The following TENT2 variants were observed in gnomAD, a reference collection of about 807,000 sequenced individuals.
TENT2 encodes poly(A) RNA polymerase GLD2.
In TENT2, 44 loss-of-function variants were observed where a neutral mutation model predicts 72.2. That is an observed-to-expected ratio of 0.61 (90% CI 0.48 to 0.78). The LOEUF (loss-of-function observed/expected upper bound fraction) is 0.78. Among genes scored for constraint, TENT2 ranks in the 30% least tolerant of loss-of-function variants. The pLI is 0.00. For missense variants in TENT2, 541 were observed against 569.6 expected, an observed-to-expected ratio of 0.95 and a Z score of 0.51; for synonymous variants, 212 against 192.5, an observed-to-expected ratio of 1.10 and a Z score of -0.84.
Position 79,629,451 on chromosome 5 carries a change from C to T in TENT2, c.465+5962C>T, listed in dbSNP as rs776785972. On this transcript the variant is annotated intron_variant, in intron 4 of 14. Coordinates refer to ENST00000453514, the MANE Select transcript of TENT2 (RefSeq NM_001114394.3). ...CATTCAAATATTTGTGAGCTCTAGG[C>T]GTGGGAGATACACTGTTTTGCTAAA... is the stretch of plus-strand genomic sequence containing the variant. Among the ~76,000 whole-genome samples the T allele has an allele frequency of 2.6e-5, 4 of 152,266 alleles. No individual in the cohort carries two copies. In the East Asian group the frequency reaches 5.8e-4, roughly 22 times the overall value.
chr5:79,655,818 A>G (rs995526514), intron 10 of TENT2, among the ~76,000 whole-genome samples: 5 of 151,376 alleles, frequency 3.3e-5, no homozygotes, highest in Non-Finnish European at 7.4e-5. Context: ...ATTTTATTTT[A>G]TGCCAGTTTT....
chr5:79,619,274 G>T (rs1379749919), intron 1 of TENT2, among the ~76,000 whole-genome samples: 4 of 152,152 alleles, frequency 2.6e-5, no homozygotes, highest in Admixed American at 2.6e-4. Context: ...ATTAGTTTGA[G>T]AATAAATGTA....
chr5:79,632,464 A>T (rs2150208194), intron 4 of TENT2, among the ~76,000 whole-genome samples: 1 of 152,198 alleles, frequency 6.6e-6, no homozygotes, highest in East Asian at 1.9e-4. Flanking sequence ...ATGAGAATGT[A>T]ATCAGTTATC....
intron 4 of TENT2, among the ~76,000 whole-genome samples, chr5:79,638,048 T>C (rs1283040159): frequency 1.3e-5 from 2 of 152,132 alleles, no homozygotes; most frequent in Non-Finnish European, 2.9e-5. Flanking sequence ...TCTGCCTGCA[T>C]TGGCCTCCCA....
At chr5:79,656,929 C>T (rs370446932) in intron 10 of TENT2, 29 bp from the exon 11 acceptor site, 16 of 1,573,068 alleles carry the variant, frequency 1.0e-5, no homozygotes, top group Middle Eastern at 1.7e-4. Context: ...ACGTGAATCA[C>T]GGAAGCTTTA....
intron 1 of TENT2, among the ~76,000 whole-genome samples, chr5:79,617,992 A>AT (rs1208077978): frequency 3.3e-5 from 5 of 151,426 alleles, no homozygotes; most frequent in African/African-American, 7.3e-5. Context: ...AGTCTTTGGC[A>AT]TTTTTTTTGT....
At chr5:79,677,413 A>AGGATTTGTT (rs1379814743) in intron 12 of TENT2, among the ~76,000 whole-genome samples, 1 of 152,216 alleles carries the variant, frequency 6.6e-6, no homozygotes, top group Admixed American at 6.5e-5. Flanking sequence ...GTGTAAAATC[A>AGGATTTGTT]GGATTTGTTT....
At chr5:79,670,012 G>A (rs1283743734) in intron 12 of TENT2, among the ~76,000 whole-genome samples, 1 of 151,734 alleles carries the variant, frequency 6.6e-6, no homozygotes, top group Non-Finnish European at 1.5e-5. Flanking sequence ...GTGAGGTCGC[G>A]AGTTCGAGAC....
At chr5:79,631,561 A>C (rs543603665) in intron 4 of TENT2, among the ~76,000 whole-genome samples, 1 of 152,360 alleles carries the variant, frequency 6.6e-6, no homozygotes, top group East Asian at 1.9e-4. Flanking sequence ...TCTATGTCCA[A>C]GACTCGTTGA....
At chr5:79,639,343 G>T (rs2150373686) in intron 4 of TENT2, among the ~76,000 whole-genome samples, 1 of 152,276 alleles carries the variant, frequency 6.6e-6, no homozygotes, top group Middle Eastern at 3.4e-3. Flanking sequence ...TCTAACCAAA[G>T]ACTTGGAAGT....
chr5:79,677,789 G>A (rs1186919227), intron 12 of TENT2, among the ~76,000 whole-genome samples: 1 of 152,110 alleles, frequency 6.6e-6, no homozygotes, highest in Non-Finnish European at 1.5e-5. Context: ...GGAAACATTT[G>A]TGTGGATGTT....
chr5:79,635,497 C>G (rs1253761860), intron 4 of TENT2, among the ~76,000 whole-genome samples: 1 of 152,110 alleles, frequency 6.6e-6, no homozygotes, highest in African/African-American at 2.4e-5. Context: ...TCTACATTAA[C>G]AAGGTCATTC....
intron 4 of TENT2, among the ~76,000 whole-genome samples, chr5:79,631,240 T>C (rs377263452): frequency 5.9e-5 from 9 of 152,234 alleles, no homozygotes; most frequent in South Asian, 2.1e-4. Flanking sequence ...TTGAAAACCA[T>C]TGGGTTCGAT....
At chr5:79,673,568 G>GT (rs59139428) in intron 12 of TENT2, among the ~76,000 whole-genome samples, 30,787 of 151,936 alleles carry the variant, frequency 0.2, 4,580 homozygotes, top group African/African-American at 0.42. Context: ...CCTAGTGTAT[G>GT]TCTTGGCACC....
chr5:79,643,221 G>A (rs1785832209), intron 7 of TENT2, among the ~76,000 whole-genome samples: 1 of 152,080 alleles, frequency 6.6e-6, no homozygotes, highest in African/African-American at 2.4e-5. Flanking sequence ...AATATAAATA[G>A]TTGTAATACA....
At chr5:79,625,860 A>G (rs1769195451) in intron 4 of TENT2, among the ~76,000 whole-genome samples, 1 of 151,220 alleles carries the variant, frequency 6.6e-6, no homozygotes, top group Non-Finnish European at 1.5e-5. Flanking sequence ...TATAGAGTCT[A>G]GCTCTGCCGC....
At chr5:79,638,317 C>T (rs896116474) in intron 4 of TENT2, among the ~76,000 whole-genome samples, 3 of 151,996 alleles carry the variant, frequency 2.0e-5, no homozygotes, top group Admixed American at 6.6e-5. Flanking sequence ...ACCTGCCCTG[C>T]CTGGTCCTGT....
chr5:79,659,576 A>G (rs183236349), intron 11 of TENT2, among the ~76,000 whole-genome samples: 8,066 of 115,476 alleles, frequency 0.07, 1,181 homozygotes, highest in African/African-American at 0.17. Context: ...ATATATATAT[A>G]TATATATATA....
chr5:79,681,949 A>T, intron 13 of TENT2, 33 bp from the exon 14 acceptor site: 2 of 1,557,664 alleles, frequency 1.3e-6, no homozygotes, highest in Non-Finnish European at 1.8e-6. Flanking sequence ...CATTTTAATA[A>T]TTTTTCCTTT....
Sources: allele counts gnomAD v4.1 joint callset (sites outside exome capture counted in the v4.1 genomes callset), GRCh38; gene constraint gnomAD v4.1.1; transcripts MANE v1.5; gene names NCBI Gene and HGNC (gene_info 2026-07-23, HGNC 2026-07-21).